The following NEBL variants were observed in gnomAD, a reference collection of about 807,000 sequenced individuals.
NEBL encodes the protein nebulette.
NEBL carries 122 observed loss-of-function variants against 140.2 expected under a neutral mutation model. The observed-to-expected ratio is 0.87, with a 90% CI of 0.75 to 1.01. The LOEUF (loss-of-function observed/expected upper bound fraction) is 1.01. Ranked by LOEUF, NEBL falls within the 50% of genes least tolerant of loss-of-function variation. NEBL has a pLI of 0.00. For missense variants in NEBL, 1,365 were observed against 1,231.3 expected, an observed-to-expected ratio of 1.11 and a Z score of -1.62; for synonymous variants, 436 against 398.9, an observed-to-expected ratio of 1.09 and a Z score of -1.11.
rs73607584 is a variant in NEBL at position 21,052,156 on chromosome 10, G to A, written c.165-31955C>T. ...ACAAACTGCACCAAGAAGTGTTTGC[G>A]CTTTTTCCTTCAGAAGGAAATGCAA... On this transcript the variant is annotated intron_variant, in intron 2 of 6. Coordinates refer to the NEBL transcript ENST00000417816. Among the ~76,000 whole-genome samples the A allele has an allele frequency of 5.0e-3, 755 of 152,262 alleles. 9 individuals carry two copies. The highest frequency in any genetic ancestry group is 0.017 in the African/African-American group (716 of 41,552).
chr10:21,110,673 C>T (rs1837958814), intron 2 of NEBL: 4 of 456,300 alleles, frequency 8.8e-6, no homozygotes, highest in Admixed American at 7.6e-5. Flanking sequence ...AAGCATATGC[C>T]ACCACCCCAT....
intron 3 of NEBL, among the ~76,000 whole-genome samples, chr10:20,964,469 C>T (rs1458303057): frequency 6.6e-6 from 1 of 152,090 alleles, no homozygotes; most frequent in African/African-American, 2.4e-5. Context: ...GAAGGGGAGC[C>T]AGCGTGTCAC....
At chr10:21,171,013 G>A (rs978143379) in intron 2 of NEBL, among the ~76,000 whole-genome samples, 1 of 152,116 alleles carries the variant, frequency 6.6e-6, no homozygotes, top group Non-Finnish European at 1.5e-5. Flanking sequence ...TCCAGACTAT[G>A]CCAACCACAC....
At chr10:21,182,978 T>C (rs900805065) in intron 3 of NEBL, among the ~76,000 whole-genome samples, 9 of 152,142 alleles carry the variant, frequency 5.9e-5, no homozygotes, top group Admixed American at 4.6e-4. Flanking sequence ...CGATGGCCCA[T>C]TGGACAGCAT....
At chr10:20,832,139 G>T (rs1485756770) in intron 14 of NEBL, among the ~76,000 whole-genome samples, 1 of 152,084 alleles carries the variant, frequency 6.6e-6, no homozygotes, top group African/African-American at 2.4e-5. Context: ...TTTGCCACTG[G>T]ACAAGTCAAT....
chr10:21,002,617 G>C lies in NEBL; in HGVS notation c.249+17500C>G, dbSNP rs115384345. ...GCTGTACAGGAAGCATGGATGGAGA[G>C]GTCTCAGGAAACTCACAATCATGGC... On this transcript the variant is annotated intron_variant, in intron 3 of 6. Coordinates refer to the NEBL transcript ENST00000417816. Among the ~76,000 whole-genome samples, 1,149 of 152,248 alleles carry C rather than the reference G, an allele frequency of 7.5e-3. 9 individuals carry two copies. Among genetic ancestry groups the C allele is most frequent in the African/African-American group, 0.025 (1,054 of 41,528 alleles).
intron 3 of NEBL, among the ~76,000 whole-genome samples, chr10:21,187,796 G>A (rs1564539527): frequency 6.6e-6 from 1 of 152,186 alleles, no homozygotes; most frequent in Non-Finnish European, 1.5e-5. Flanking sequence ...TTACAGATGT[G>A]AGCCACAGCA....
intron 2 of NEBL, among the ~76,000 whole-genome samples, chr10:21,149,496 G>A (rs899356918): frequency 2.6e-5 from 4 of 152,130 alleles, no homozygotes; most frequent in Non-Finnish European, 4.4e-5. Context: ...TCACCATGTT[G>A]GCCAGGCTTG....
At chr10:21,139,987 C>CAAA (rs11289396) in intron 2 of NEBL, among the ~76,000 whole-genome samples, 2,965 of 99,542 alleles carry the variant, frequency 0.03, 101 homozygotes, top group African/African-American at 0.09. Flanking sequence ...CCTGTCTCAA[C>CAAA]AAAAAAAAAA....
At chr10:20,940,611 C>T (rs1448225703) in intron 4 of NEBL, among the ~76,000 whole-genome samples, 1 of 141,376 alleles carries the variant, frequency 7.1e-6, no homozygotes, top group Non-Finnish European at 1.5e-5. Flanking sequence ...GAAATAGAGA[C>T]ACAAAAAACC....
chr10:21,202,602 A>G (rs1340444786), intron 3 of NEBL, among the ~76,000 whole-genome samples: 3 of 151,472 alleles, frequency 2.0e-5, no homozygotes, highest in Non-Finnish European at 4.4e-5. Flanking sequence ...AGCTGGGACT[A>G]CAGGCGCCTG....
chr10:21,146,340 A>G, intron 2 of NEBL: 1 of 1,609,642 alleles, frequency 6.2e-7, no homozygotes, highest in Admixed American at 1.7e-5. Flanking sequence ...CACATACTCT[A>G]CCTGTTCATG....
intron 4 of NEBL, among the ~76,000 whole-genome samples, chr10:20,961,484 C>T (rs1275002127): frequency 3.9e-5 from 6 of 152,038 alleles, no homozygotes; most frequent in Admixed American, 6.6e-5. Context: ...AACTAAGCAC[C>T]GGGTCCTAGA....
At chr10:20,973,161 A>G (rs986508220) in intron 3 of NEBL, among the ~76,000 whole-genome samples, 1 of 152,172 alleles carries the variant, frequency 6.6e-6, no homozygotes, top group Non-Finnish European at 1.5e-5. Flanking sequence ...AAGACCTATA[A>G]GGTGTCAGAC....
At chr10:21,092,172 C>T (rs961088163) in intron 2 of NEBL, among the ~76,000 whole-genome samples, 6 of 152,216 alleles carry the variant, frequency 3.9e-5, no homozygotes, top group African/African-American at 7.2e-5. Flanking sequence ...GCTATCACTA[C>T]TCATATGGTC....
At chr10:21,226,610 C>G (rs1377670228) in intron 3 of NEBL, among the ~76,000 whole-genome samples, 1 of 152,192 alleles carries the variant, frequency 6.6e-6, no homozygotes, top group Admixed American at 6.5e-5. Flanking sequence ...TCCGTGGTCA[C>G]TGACTGAGAT....
At chr10:20,974,692 T>C (rs180728923) in intron 3 of NEBL, among the ~76,000 whole-genome samples, 94 of 152,358 alleles carry the variant, frequency 6.2e-4, no homozygotes, top group African/African-American at 2.2e-3. Context: ...TTACACATAC[T>C]ACCAATTAGA....
At chr10:20,873,627 C>T (rs1402591871) in intron 5 of NEBL, among the ~76,000 whole-genome samples, 1 of 152,010 alleles carries the variant, frequency 6.6e-6, no homozygotes, top group African/African-American at 2.4e-5. Flanking sequence ...AACATTCACT[C>T]CCTCACTCAT....
chr10:20,785,858 G>C lies in NEBL; in HGVS notation c.2934C>G (p.Gly978=), dbSNP rs557112931. The C allele has an allele frequency of 1.2e-6, 2 of 1,613,906 alleles. No homozygotes were observed. The highest frequency in any genetic ancestry group is 4.5e-5 in the East Asian group (2 of 44,860). The change falls in exon 28 of 28, where the codon GGC becomes GGG. Residue 978 remains glycine, a synonymous_variant. Transcript: ENST00000377122. ...QDEDEVSFRD[G]DYIVNVQPID... Reference sequence around the variant, plus strand: ...TAGGCTGCACGTTGACGATGTAGTCGCCGTCTCTAAAGGAGACCTCGTCTT... The same window carrying C: ...TAGGCTGCACGTTGACGATGTAGTCCCCGTCTCTAAAGGAGACCTCGTCTT...
Sources: gnomAD v4.1 joint callset for allele counts (sites outside exome capture counted in the v4.1 genomes callset) on GRCh38, gnomAD v4.1.1 for gene constraint, MANE v1.5 for transcripts, NCBI Gene and HGNC (gene_info 2026-07-23, HGNC 2026-07-21) for gene names.